SLC9A1: variants seen among roughly 807,000 people sequenced by gnomAD.
SLC9A1 encodes sodium/hydrogen exchanger 1.
In SLC9A1, 22 loss-of-function variants were observed where a neutral mutation model predicts 67.9. The ratio of observed to expected loss-of-function variants is 0.32; its 90% CI spans 0.23 to 0.46. The LOEUF (loss-of-function observed/expected upper bound fraction) is 0.46, where lower values mean the gene tolerates loss of function less well. Ranked by LOEUF, SLC9A1 falls within the 20% of genes least tolerant of loss-of-function variation. The probability of loss-of-function intolerance (pLI) is 1.00; values close to 1 mark genes in which losing one functional copy is unlikely to be tolerated. For synonymous variants in SLC9A1, 421 were observed against 471.8 expected (o/e 0.89, Z 1.40); for missense variants, 686 against 1,094.8 (o/e 0.63, Z 5.27).
At chr1:27,129,296 G>A (rs931847194) in intron 1 of SLC9A1, among the ~76,000 whole-genome samples, 1 of 152,194 alleles carries the variant, frequency 6.6e-6, no homozygotes, top group African/African-American at 2.4e-5. Flanking sequence ...TGTGTGGTGG[G>A]AGAGACAGGG....
intron 1 of SLC9A1, among the ~76,000 whole-genome samples, chr1:27,135,861 C>T (rs137997235): frequency 2.0e-4 from 30 of 152,320 alleles, no homozygotes; most frequent in African/African-American, 5.1e-4. Flanking sequence ...CACAAGAGTA[C>T]CTATGATTCC....
intron 1 of SLC9A1, among the ~76,000 whole-genome samples, chr1:27,125,038 A>G (rs1220046677): frequency 6.6e-6 from 1 of 151,610 alleles, no homozygotes; most frequent in African/African-American, 2.4e-5. Flanking sequence ...GAGTTGTCCT[A>G]ACTCCTTTCT....
intron 1 of SLC9A1, among the ~76,000 whole-genome samples, chr1:27,133,976 G>T (rs2083403053): frequency 6.6e-6 from 1 of 152,040 alleles, no homozygotes; most frequent in South Asian, 2.1e-4. Flanking sequence ...TCTTGGCCAG[G>T]CTGGTCTTGA....
At chr1:27,149,706 C>T (rs972031644) in intron 1 of SLC9A1, among the ~76,000 whole-genome samples, 1 of 152,184 alleles carries the variant, frequency 6.6e-6, no homozygotes, top group Admixed American at 6.5e-5. Flanking sequence ...AAGGATGAGG[C>T]AAGTCAGGTT....
In SLC9A1 at chr1:27,109,423, G is replaced by C. The variant is rs1032994060; in HGVS notation, c.1064+104C>G. 3.1e-6 allele frequency: 4 copies of C among 1,276,014 alleles called. No individual in the cohort carries two copies. The South Asian group carries it at 5.1e-5, about 16-fold the overall frequency. The allele number at this position is 1,276,014 out of a possible 1,614,324, so 79.0% of individuals were successfully genotyped here. ...TTCATGTCTCATCCCTGGAGCTCAA[G>C]GCTGGGCCCTGGGAGCTCCGTGAAC... is the stretch of plus-strand genomic sequence containing the variant. On this transcript the variant is annotated intron_variant, in intron 3 of 11. Coordinates refer to ENST00000263980, the MANE Select transcript of SLC9A1 (RefSeq NM_003047.5). The surrounding 1 kb of genome is among the most constrained non-coding windows in gnomAD (Gnocchi z 5.5).
In SLC9A1 at chr1:27,105,944, T is replaced by C. The variant is rs2083181616; in HGVS notation, c.1426A>G (p.Met476Val). 1 of 1,613,614 alleles carries C rather than the reference T, an allele frequency of 6.2e-7. No individual in the cohort carries two copies. Among genetic ancestry groups the C allele is most frequent in the African/African-American group, 1.3e-5 (1 of 75,036 alleles). The change falls in exon 5 of 12, where the codon ATG (methionine) becomes GTG (valine). Residue 476 changes from methionine to valine, a missense_variant. Physicochemically the swap from Met to Val is conservative, Grantham distance 21. Around this residue, in one of 7 missense-constraint regions of SLC9A1, gnomAD observed 168 missense variants for 375.4 expected, o/e 0.45. Coordinates refer to ENST00000263980, the MANE Select transcript of SLC9A1 (RefSeq NM_003047.5). ...ATGGCAGTGAGGAACAGGTCACACA[T>C]GGGGAAGTGCTTCTTGTCCAGGAGG... ...GYLLDKKHFPMCDLFLTAIIT... is the reference protein window; with the variant it reads ...GYLLDKKHFPVCDLFLTAIIT...
Position 27,101,931 on chromosome 1 carries a change from G to A in SLC9A1, c.1935+85C>T. On this transcript the variant is annotated intron_variant, in intron 9 of 11. Transcript: ENST00000263980. The surrounding 1 kb of genome is among the most constrained non-coding windows in gnomAD (Gnocchi z 4.9). ...GGGCCAGTCCTGGGGTGGGTGCCGA[G>A]GGGCACGGGCAGGGCAGGGCTGCCG... 2 of 1,424,048 alleles carry A rather than the reference G, an allele frequency of 1.4e-6. No individual in the cohort carries two copies. The highest frequency in any genetic ancestry group is 3.3e-5 in the Admixed American group (2 of 59,718). 88.2% of individuals were successfully genotyped at this position (1,424,048 alleles called of 1,614,324 possible). A position where few individuals can be genotyped will look rare whatever the true frequency, so the allele number is the denominator to read the frequency against.
chr1:27,147,016 A>G (rs1461860552), intron 1 of SLC9A1, among the ~76,000 whole-genome samples: 1 of 152,028 alleles, frequency 6.6e-6, no homozygotes, highest in Non-Finnish European at 1.5e-5. Context: ...TCATGCCTGT[A>G]ATATCAGGAC....
chr1:27,142,849 G>A (rs768596152), intron 1 of SLC9A1, among the ~76,000 whole-genome samples: 4 of 151,986 alleles, frequency 2.6e-5, no homozygotes, highest in Non-Finnish European at 4.4e-5. Flanking sequence ...TACTCACTCT[G>A]GGGTCCTTCT....
At chr1:27,145,254 T>C (rs1266090593) in intron 1 of SLC9A1, among the ~76,000 whole-genome samples, 1 of 152,224 alleles carries the variant, frequency 6.6e-6, no homozygotes, top group African/African-American at 2.4e-5. Flanking sequence ...CCTCAGGGAC[T>C]GCTTGCTCCC....
At chr1:27,119,359 G>C (rs1001323260) in intron 1 of SLC9A1, among the ~76,000 whole-genome samples, 11 of 152,082 alleles carry the variant, frequency 7.2e-5, no homozygotes, top group African/African-American at 2.7e-4. Context: ...CATAGTGCCA[G>C]GTCACCAGGG....
intron 1 of SLC9A1, among the ~76,000 whole-genome samples, chr1:27,122,787 C>T (rs1176298503): frequency 6.6e-6 from 1 of 152,202 alleles, no homozygotes; most frequent in Non-Finnish European, 1.5e-5. Flanking sequence ...AGCAGATTGC[C>T]CCTCCCCCTG....
chr1:27,135,096 C>A (rs1441968613), intron 1 of SLC9A1, among the ~76,000 whole-genome samples: 1 of 151,500 alleles, frequency 6.6e-6, no homozygotes, highest in African/African-American at 2.4e-5. Flanking sequence ...CTCTGTCAGG[C>A]TGGAGTGCAG....
chr1:27,126,347 A>C (rs1226774360), intron 1 of SLC9A1, among the ~76,000 whole-genome samples: 10 of 152,104 alleles, frequency 6.6e-5, no homozygotes. Flanking sequence ...TGGATGGATG[A>C]CTTTCTCTTA....
chr1:27,100,862 C>T lies in SLC9A1; in HGVS notation c.2111-218G>A, dbSNP rs2083137864. On this transcript the variant is annotated intron_variant, in intron 11 of 11. Coordinates refer to ENST00000263980, the MANE Select transcript of SLC9A1 (RefSeq NM_003047.5). The surrounding 1 kb of genome is among the most constrained non-coding windows in gnomAD (Gnocchi z 5.6). The stretch of plus-strand genomic sequence containing the variant: ...TTGACAGGGGCTCCCAGAGGTGTCC[C>T]TCCACAGGCCAAGGCCTGGGGCTCC... Among the ~76,000 whole-genome samples, 1 of 152,248 alleles carries T rather than the reference C, an allele frequency of 6.6e-6. No individual in the cohort carries two copies. Among genetic ancestry groups the T allele is most frequent in the East Asian group, 1.9e-4 (1 of 5,192 alleles).
At chr1:27,111,910 A>G (rs2083230940) in intron 2 of SLC9A1, among the ~76,000 whole-genome samples, 1 of 152,194 alleles carries the variant, frequency 6.6e-6, no homozygotes, top group South Asian at 2.1e-4. Flanking sequence ...TTTGGGAGAC[A>G]TGACCATGGG....
intron 1 of SLC9A1, among the ~76,000 whole-genome samples, chr1:27,125,580 C>T (rs2083337604): frequency 6.6e-6 from 1 of 150,702 alleles, no homozygotes; most frequent in Non-Finnish European, 1.5e-5. Flanking sequence ...GCTCTTCCTA[C>T]ACCAGCCAAG....
In SLC9A1 at chr1:27,100,679, G is replaced by A. The variant is rs752154321; in HGVS notation, c.2111-35C>T. On this transcript the variant is annotated intron_variant, in intron 11 of 11. Coordinates refer to ENST00000263980, the MANE Select transcript of SLC9A1 (RefSeq NM_003047.5). This position sits in a 1 kb window ranked among gnomAD's most constrained non-coding sequence, Gnocchi z 5.6. ...AAGAGCAAGGCACAAGCTGGGTTCC[G>A]CTCTGGAGCCCGGCCCAGCACGTGC... 5.2e-6 allele frequency: 8 copies of A among 1,540,636 alleles called. No individual in the cohort carries two copies. Among genetic ancestry groups the A allele is most frequent in the Admixed American group, 3.6e-5 (2 of 55,208 alleles).
At chr1:27,142,207 C>A (rs148475432) in intron 1 of SLC9A1, among the ~76,000 whole-genome samples, 18 of 152,324 alleles carry the variant, frequency 1.2e-4, no homozygotes, top group Non-Finnish European at 2.6e-4. Context: ...GGTCCACTGT[C>A]CAGGTCTTAC....
Sources: gnomAD v4.1 joint callset for allele counts (sites outside exome capture counted in the v4.1 genomes callset) on GRCh38, gnomAD v4.1.1 for gene constraint, gnomAD v4.1.1 regional missense constraint, Gnocchi (gnomAD v3.1) non-coding constraint, MANE v1.5 for transcripts, NCBI Gene and HGNC (gene_info 2026-07-23, HGNC 2026-07-21) for gene names.